Variants in PHF20 observed in about 807,000 individuals in gnomAD.
PHF20 encodes PHD finger protein 20, also known as glioma-expressed antigen 2.
A neutral mutation model predicts 113.5 loss-of-function variants in PHF20; 23 were observed. That is an observed-to-expected ratio of 0.20 (90% CI 0.15 to 0.29). PHF20 has a LOEUF of 0.29. Ranked by LOEUF, PHF20 falls within the 10% of genes least tolerant of loss-of-function variation. The pLI, the probability that PHF20 is intolerant of heterozygous loss-of-function variation, is 1.00. For missense variants in PHF20, 943 were observed against 1,219.6 expected, an observed-to-expected ratio of 0.77 and a Z score of 3.38; for synonymous variants, 434 against 457.3, an observed-to-expected ratio of 0.95 and a Z score of 0.65.
intron 4 of PHF20, among the ~76,000 whole-genome samples, chr20:35,851,749 T>C (rs983873699): frequency 6.6e-6 from 1 of 152,014 alleles, no homozygotes; most frequent in African/African-American, 2.4e-5. Context: ...ACCTAGTATC[T>C]ACTAAAAATA....
chr20:35,883,519 G>C (rs2054671607), intron 9 of PHF20, among the ~76,000 whole-genome samples: 1 of 152,112 alleles, frequency 6.6e-6, no homozygotes, highest in Non-Finnish European at 1.5e-5. Context: ...GCTCACTGCA[G>C]TGTTGACTTC....
At chr20:35,893,983 G>A (rs758909776) in intron 9 of PHF20, among the ~76,000 whole-genome samples, 48 of 152,166 alleles carry the variant, frequency 3.2e-4, no homozygotes, top group Non-Finnish European at 6.3e-4. Flanking sequence ...AACAAGCTTG[G>A]TACTATCCTG....
intron 2 of PHF20, among the ~76,000 whole-genome samples, chr20:35,834,047 G>C (rs1433323160): frequency 6.6e-6 from 1 of 151,072 alleles, no homozygotes; most frequent in East Asian, 1.9e-4. Context: ...GACAGAGTGA[G>C]ATTCCGTCTC....
chr20:35,879,155 T>C (rs2054582494), intron 9 of PHF20, among the ~76,000 whole-genome samples: 1 of 152,204 alleles, frequency 6.6e-6, no homozygotes, highest in Non-Finnish European at 1.5e-5. Context: ...TTTGCCTGTT[T>C]TGTGGACTGG....
intron 10 of PHF20, among the ~76,000 whole-genome samples, chr20:35,906,525 C>T (rs2055203938): frequency 7.0e-6 from 1 of 142,670 alleles, no homozygotes; most frequent in Admixed American, 6.9e-5. Flanking sequence ...CTGGGCCTTG[C>T]TTTCTCCCCG....
At position 35,863,276 on chromosome 20, in the gene PHF20, CAG is replaced by C. The variant is rs1473187125; in HGVS notation, c.689_690del (p.Glu230ValfsTer9). The C allele has an allele frequency of 4.3e-6, 7 of 1,614,146 alleles. No individual in the cohort carries two copies. Among genetic ancestry groups the C allele is most frequent in the Non-Finnish European group, 5.9e-6 (7 of 1,180,014 alleles). On this transcript the variant is annotated frameshift_variant, in exon 6 of 18. Coordinates refer to ENST00000374012, the MANE Select transcript of PHF20 (RefSeq NM_016436.5). LOFTEE classifies it high-confidence loss of function. ...ACAAGGAAAACATTTCCGAAAATGACAGAGAGTATTCTGGAGATGCCCAAGTG... is the reference window on the plus strand; with the variant it reads ...ACAAGGAAAACATTTCCGAAAATGACAGAGTATTCTGGAGATGCCCAAGTG... ...EDKENISEND[R>X]EYSGDAQVDK...
Position 35,818,760 on chromosome 20 carries a change from C to T in PHF20, c.83+17155C>T, listed in dbSNP as rs148619973. On this transcript the variant is annotated intron_variant, in intron 2 of 17. Transcript: ENST00000374012. ...CTGTGTTGCTTAGGCTGGTCTCAAACTCCAGGGCTCAAGTGATCTTCCTAC... is the reference window on the plus strand; with the variant it reads ...CTGTGTTGCTTAGGCTGGTCTCAAATTCCAGGGCTCAAGTGATCTTCCTAC... Among the ~76,000 whole-genome samples, 639 of 152,248 alleles carry T rather than the reference C, an allele frequency of 4.2e-3. 7 individuals carry two copies. Among genetic ancestry groups the T allele is most frequent in the African/African-American group, 0.014 (602 of 41,542 alleles).
At chr20:35,903,500 C>A (rs117686700) in intron 10 of PHF20, among the ~76,000 whole-genome samples, 3,913 of 152,194 alleles carry the variant, frequency 0.026, 66 homozygotes, top group Non-Finnish European at 0.039. Context: ...ACAGTCTGAT[C>A]ATTTCTGTAC....
Position 35,825,578 on chromosome 20 carries a change from A to G in PHF20, c.84-16995A>G, listed in dbSNP as rs574549242. 2.2e-4 allele frequency among the ~76,000 whole-genome samples: 34 copies of G among 152,202 alleles called. 2 individuals are homozygous for G. The South Asian group carries it at 5.4e-3, about 24-fold the overall frequency. On this transcript the variant is annotated intron_variant, in intron 2 of 17. Coordinates refer to ENST00000374012, the MANE Select transcript of PHF20 (RefSeq NM_016436.5). The stretch of plus-strand genomic sequence containing the variant: ...CTGGCTAAAAACTTTTTTGATATTA[A>G]TTTTCCTGGCTCCTTAAAGGTATAA...
intron 2 of PHF20, among the ~76,000 whole-genome samples, chr20:35,813,833 G>T (rs913845811): frequency 6.0e-5 from 9 of 149,550 alleles, no homozygotes; most frequent in Admixed American, 4.8e-4. Context: ...ACTCCAGCCT[G>T]TGTGTGAGCC....
intron 1 of PHF20, among the ~76,000 whole-genome samples, chr20:35,791,797 G>A (rs745563550): frequency 2.0e-5 from 3 of 151,902 alleles, no homozygotes; most frequent in African/African-American, 2.4e-5. Context: ...AATGTTGTCC[G>A]AGTGTGGGAG....
chr20:35,847,481 G>C (rs375725869), intron 4 of PHF20, 47 bp downstream of exon 4: 7 of 1,138,578 alleles, frequency 6.1e-6, no homozygotes, highest in Non-Finnish European at 9.3e-6. Context: ...CTTAGGTGGT[G>C]GGGGGGGATG....
intron 4 of PHF20, chr20:35,855,258 T>C (rs1350942576): frequency 7.5e-7 from 1 of 1,338,012 alleles, no homozygotes; most frequent in Non-Finnish European, 9.9e-7. Flanking sequence ...CCTGACAATA[T>C]AGGCAGGTAA....
At chr20:35,923,516 A>G (rs1474164020) in intron 13 of PHF20, among the ~76,000 whole-genome samples, 1 of 152,212 alleles carries the variant, frequency 6.6e-6, no homozygotes, top group Non-Finnish European at 1.5e-5. Context: ...TTTAAAATTC[A>G]TATTATTTGT....
intron 17 of PHF20, among the ~76,000 whole-genome samples, chr20:35,944,282 A>G (rs773461062): frequency 6.6e-6 from 1 of 152,180 alleles, no homozygotes; most frequent in Non-Finnish European, 1.5e-5. Flanking sequence ...GACAGCTTCC[A>G]TCTCAGGAAC....
chr20:35,835,439 C>T (rs2042423384), intron 2 of PHF20, among the ~76,000 whole-genome samples: 1 of 152,066 alleles, frequency 6.6e-6, no homozygotes. Context: ...TAGCCTAATA[C>T]TGAAACTGGG....
intron 1 of PHF20, among the ~76,000 whole-genome samples, chr20:35,779,047 T>G (rs2041232422): frequency 6.6e-6 from 1 of 152,034 alleles, no homozygotes; most frequent in Non-Finnish European, 1.5e-5. Flanking sequence ...TTTTTTGTTT[T>G]TTTTTTGAGG....
intron 15 of PHF20, among the ~76,000 whole-genome samples, chr20:35,938,023 C>A (rs1383785422): frequency 6.6e-6 from 1 of 152,164 alleles, no homozygotes; most frequent in Non-Finnish European, 1.5e-5. Flanking sequence ...AGGCACCCGC[C>A]ACCACGTCCA....
chr20:35,801,431 G>A (rs1454976602), intron 1 of PHF20, 60 bp from the exon 2 acceptor site: 1 of 803,364 alleles, frequency 1.2e-6, no homozygotes, highest in Non-Finnish European at 2.1e-6. Context: ...TGTAGTGAAT[G>A]ATGCTACACT....
Sources: allele counts gnomAD v4.1 joint callset (sites outside exome capture counted in the v4.1 genomes callset), GRCh38; gene constraint gnomAD v4.1.1; transcripts MANE v1.5; gene names NCBI Gene and HGNC (gene_info 2026-07-23, HGNC 2026-07-21).